FAM161A: variants seen among roughly 807,000 people sequenced by gnomAD.
FAM161A encodes the protein protein FAM161A.
FAM161A carries 57 observed loss-of-function variants against 70.9 expected under a neutral mutation model. The ratio of observed to expected loss-of-function variants is 0.80; its 90% CI spans 0.65 to 1.00. The LOEUF (loss-of-function observed/expected upper bound fraction) is 1.00, where lower values mean the gene tolerates loss of function less well. Among genes scored for constraint, FAM161A ranks in the 50% least tolerant of loss-of-function variants. The pLI, the probability that FAM161A is intolerant of heterozygous loss-of-function variation, is 0.00. For missense variants in FAM161A, 880 were observed against 836.0 expected, an observed-to-expected ratio of 1.05 and a Z score of -0.65; for synonymous variants, 299 against 295.7, an observed-to-expected ratio of 1.01 and a Z score of -0.12.
At chr2:61,844,844 G>A (rs1394669844) in intron 1 of FAM161A, among the ~76,000 whole-genome samples, 5 of 152,188 alleles carry the variant, frequency 3.3e-5, no homozygotes, top group Non-Finnish European at 5.9e-5. Context: ...CCAGCTAAGC[G>A]GAGAGACAGA....
the FAM161A span, among the ~76,000 whole-genome samples, chr2:61,809,784 A>G: frequency 1.3e-5 from 2 of 152,316 alleles, no homozygotes; most frequent in South Asian, 4.1e-4. Context: ...AGAATGCAGT[A>G]GGAGCAGCAC....
At chr2:61,804,758 G>GAAA in the FAM161A span, among the ~76,000 whole-genome samples, 1 of 66,374 alleles carries the variant, frequency 1.5e-5, no homozygotes, top group Non-Finnish European at 2.9e-5. Context: ...AAGAAAGAAA[G>GAAA]AAAAAGAAAG....
At chr2:61,830,711 C>T (rs1672538314) in intron 5 of FAM161A, among the ~76,000 whole-genome samples, 1 of 132,402 alleles carries the variant, frequency 7.6e-6, no homozygotes, top group African/African-American at 2.8e-5. Context: ...AAAATGAGAA[C>T]AGTAGACACT....
chr2:61,820,193 C>T (rs1299873956), downstream of FAM161A: 1 of 545,328 alleles, frequency 1.8e-6, no homozygotes, highest in African/African-American at 1.9e-5. Flanking sequence ...TCTCTTCCCA[C>T]TGCTGTCATG....
chr2:61,853,689 G>A (rs1673575262), intron 1 of FAM161A, among the ~76,000 whole-genome samples, 170 bp downstream of exon 1: 1 of 152,204 alleles, frequency 6.6e-6, no homozygotes, highest in Non-Finnish European at 1.5e-5. Context: ...TCGATTTAGA[G>A]TAATTTTCGT....
chr2:61,801,708 G>T, the FAM161A span, among the ~76,000 whole-genome samples: 1 of 151,738 alleles, frequency 6.6e-6, no homozygotes, highest in South Asian at 2.1e-4. Flanking sequence ...TTATAGACAC[G>T]TGCCACCACG....
intron 6 of FAM161A, 111 bp from the exon 7 acceptor site, chr2:61,826,710 T>C (rs927645332): frequency 3.4e-6 from 3 of 886,970 alleles, no homozygotes; most frequent in Non-Finnish European, 5.1e-6. Flanking sequence ...AGTGTATGAA[T>C]TCCAATTTGT....
intron 5 of FAM161A, among the ~76,000 whole-genome samples, chr2:61,834,695 T>G (rs1672707716): frequency 6.6e-6 from 1 of 152,118 alleles, no homozygotes; most frequent in African/African-American, 2.4e-5. Flanking sequence ...ACCACTGACC[T>G]TAGGTGATCC....
the FAM161A span, among the ~76,000 whole-genome samples, chr2:61,817,634 T>C: frequency 6.6e-6 from 1 of 152,150 alleles, no homozygotes; most frequent in South Asian, 2.1e-4. Context: ...ATCCTTCAAG[T>C]TGCTTCATCA....
the FAM161A span, among the ~76,000 whole-genome samples, chr2:61,810,299 T>C: frequency 2.0e-5 from 3 of 152,052 alleles, no homozygotes; most frequent in African/African-American, 7.2e-5. Context: ...CAGTTAAAGC[T>C]AAATCCTGCT....
chr2:61,839,294 G>C (rs1037268646), intron 3 of FAM161A, 127 bp downstream of exon 3: 35 of 805,014 alleles, frequency 4.3e-5, no homozygotes, highest in Middle Eastern at 3.4e-4. Context: ...ATATTATATA[G>C]TAAAATATCT....
the FAM161A span, among the ~76,000 whole-genome samples, chr2:61,801,958 T>C: frequency 6.6e-6 from 1 of 152,140 alleles, no homozygotes; most frequent in East Asian, 1.9e-4. Context: ...CTTCTATAAT[T>C]TGCATTCTCC....
At chr2:61,824,551 T>C (rs1672282555), downstream of FAM161A, among the ~76,000 whole-genome samples, 5 of 152,302 alleles carry the variant, frequency 3.3e-5, no homozygotes, top group South Asian at 1.0e-3. Context: ...TTTCCATATA[T>C]GATTTCATCC....
chr2:61,815,849 C>G, the FAM161A span, among the ~76,000 whole-genome samples: 5 of 152,164 alleles, frequency 3.3e-5, no homozygotes, highest in African/African-American at 7.2e-5. Flanking sequence ...CCACACCTGG[C>G]CTCTCTCCCT....
chr2:61,800,611 G>A, the FAM161A span, among the ~76,000 whole-genome samples: 271 of 152,230 alleles, frequency 1.8e-3, 1 homozygote, highest in Middle Eastern at 3.4e-3. Context: ...GCTGAGAGTT[G>A]GCCAGATCAT....
intron 1 of FAM161A, among the ~76,000 whole-genome samples, chr2:61,844,257 G>A (rs558178967): frequency 8.3e-4 from 127 of 152,336 alleles, no homozygotes; most frequent in Non-Finnish European, 1.4e-3. Flanking sequence ...AGAATTCTCT[G>A]ATATCTTCTG....
chr2:61,844,584 A>G (rs1318630450), intron 1 of FAM161A, among the ~76,000 whole-genome samples: 2 of 152,138 alleles, frequency 1.3e-5, no homozygotes. Flanking sequence ...CTGTAGTCCC[A>G]GCTACTCGGG....
the FAM161A span, among the ~76,000 whole-genome samples, chr2:61,818,064 CT>C: frequency 0.23 from 31,507 of 139,482 alleles, 3,009 homozygotes; most frequent in Middle Eastern, 0.24. Context: ...CATTCAGATC[CT>C]TTTTTTTTTT....
chr2:61,819,526 TGTG>T, the FAM161A span, among the ~76,000 whole-genome samples: 16 of 152,074 alleles, frequency 1.1e-4, no homozygotes, highest in Non-Finnish European at 2.1e-4. Context: ...GTCCTGAAAA[TGTG>T]GTGATGAGCA....
Sources: gnomAD v4.1 joint callset for allele counts (sites outside exome capture counted in the v4.1 genomes callset) on GRCh38, gnomAD v4.1.1 for gene constraint, MANE v1.5 for transcripts, NCBI Gene and HGNC (gene_info 2026-07-23, HGNC 2026-07-21) for gene names.